Variants in NR5A1 observed in about 807,000 individuals in gnomAD.
NR5A1 encodes nuclear receptor subfamily 5 group A member 1, also known as steroidogenic factor 1.
A neutral mutation model predicts 42.7 loss-of-function variants in NR5A1; 6 were observed. The ratio of observed to expected loss-of-function variants is 0.14; its 90% CI spans 0.08 to 0.28. The LOEUF is 0.28. Ranked by LOEUF, NR5A1 falls within the 10% of genes least tolerant of loss-of-function variation. NR5A1 has a pLI of 1.00. For missense variants in NR5A1, 442 were observed against 626.4 expected (o/e 0.71, Z 3.14); for synonymous variants, 274 against 277.5 (o/e 0.99, Z 0.12).
chr9:124,505,288 G>A (rs1018099428), intron 1 of NR5A1, among the ~76,000 whole-genome samples: 2 of 152,210 alleles, frequency 1.3e-5, no homozygotes, highest in East Asian at 3.9e-4. Context: ...AACCCAGCTG[G>A]GTCGTGGCGA....
In NR5A1 at chr9:124,500,781, G is replaced by T. The variant is rs1293466415; in HGVS notation, c.245-66C>A. On this transcript the variant is annotated intron_variant, in intron 3 of 6. Transcript: ENST00000373588. This position sits in a 1 kb window ranked among gnomAD's most constrained non-coding sequence, Gnocchi z 6.9. Reference sequence around the variant, plus strand: ...CCCCCTTCCATGCTGCCCCACCACAGATCCTTTCCAAACAAATCTGACCGC... The same window carrying T: ...CCCCCTTCCATGCTGCCCCACCACATATCCTTTCCAAACAAATCTGACCGC... 1 of 1,609,696 alleles carries T rather than the reference G, an allele frequency of 6.2e-7. No homozygotes were observed. The highest frequency in any genetic ancestry group is 8.5e-7 in the Non-Finnish European group (1 of 1,178,364).
intron 6 of NR5A1, among the ~76,000 whole-genome samples, chr9:124,487,096 GTGGAGGTCGGAGGGAGC>G (rs972800031): frequency 4.6e-5 from 7 of 152,264 alleles, no homozygotes; most frequent in Admixed American, 3.9e-4. Context: ...ACTCGCGGAG[GTGGAGGTCGGAGGGAGC>G]TGGGAGATGG....
chr9:124,491,036 C>CCCCCCCACGG, intron 6 of NR5A1, 45 bp downstream of exon 6: 1 of 1,401,600 alleles, frequency 7.1e-7, no homozygotes, highest in Non-Finnish European at 9.6e-7. Flanking sequence ...CCCACCCACC[C>CCCCCCCACGG]GCCTCTGGCT....
chr9:124,506,090 G>C (rs1240914126), intron 1 of NR5A1, among the ~76,000 whole-genome samples: 1 of 152,188 alleles, frequency 6.6e-6, no homozygotes, highest in Non-Finnish European at 1.5e-5. Context: ...TGGAGGCCTC[G>C]GGCTTCGGTT....
chr9:124,490,590 A>T (rs778520602), intron 6 of NR5A1, among the ~76,000 whole-genome samples: 32 of 152,042 alleles, frequency 2.1e-4, no homozygotes, highest in Non-Finnish European at 7.3e-5. Flanking sequence ...CTTACTAATC[A>T]TATTATGCTC....
At chr9:124,491,039 C>CCCCCCGGGGG in intron 6 of NR5A1, 42 bp downstream of exon 6, 2 of 1,496,952 alleles carry the variant, frequency 1.3e-6, no homozygotes, top group Non-Finnish European at 1.8e-6. Context: ...ACCCACCCGC[C>CCCCCCGGGGG]TCTGGCTGTC....
At chr9:124,495,843 T>C (rs1832383363) in intron 4 of NR5A1, among the ~76,000 whole-genome samples, 2 of 152,164 alleles carry the variant, frequency 1.3e-5, no homozygotes, top group Non-Finnish European at 2.9e-5. Flanking sequence ...GTGAGGCTGA[T>C]AGGGGTGCCA....
At chr9:124,484,206 A>G (rs1334259582) in intron 6 of NR5A1, among the ~76,000 whole-genome samples, 2 of 152,102 alleles carry the variant, frequency 1.3e-5, no homozygotes, top group African/African-American at 2.4e-5. Flanking sequence ...CATGTTTTTC[A>G]ACTTCTACAC....
Position 124,498,514 on chromosome 9 carries a change from C to T in NR5A1, c.870+1576G>A, listed in dbSNP as rs986876969. ...AGGCAGCCAGAGGAAGTGCCCTGCC[C>T]CTCAATCCAGGGTTCTGGAAGGCCG... On this transcript the variant is annotated intron_variant, in intron 4 of 6. Transcript: ENST00000373588. The surrounding 1 kb of genome is among the most constrained non-coding windows in gnomAD (Gnocchi z 4.6). 6.6e-6 allele frequency among the ~76,000 whole-genome samples: 1 copy of T among 152,190 alleles called. No individual in the cohort carries two copies. The highest frequency in any genetic ancestry group is 2.4e-5 in the African/African-American group (1 of 41,444).
At position 124,482,778 on chromosome 9, in the gene NR5A1, G is replaced by A; in HGVS notation, c.1366C>T (p.Leu456=). 1 of 1,578,026 alleles carries A rather than the reference G, an allele frequency of 6.3e-7. No individual in the cohort carries two copies. The highest frequency in any genetic ancestry group is 8.6e-7 in the Non-Finnish European group (1 of 1,164,400). The change falls in exon 7 of 7, where the codon CTG becomes TTG. Residue 456 remains leucine (L), a synonymous_variant. Transcript: ENST00000373588. ...MPRNNLLIEM[L]QAKQT is the part of the protein sequence containing the mutation. ...CAGGCTCAAGTCTGCTTGGCTTGCA[G>A]CATTTCGATGAGCAGGTTGTTGCGG...
intron 6 of NR5A1, among the ~76,000 whole-genome samples, chr9:124,484,389 C>T (rs73594038): frequency 0.022 from 3,274 of 152,108 alleles, 127 homozygotes; most frequent in African/African-American, 0.074. Context: ...TGGGACTGAG[C>T]GGAAAACAAA....
chr9:124,492,323 C>T (rs1832328295), intron 5 of NR5A1, among the ~76,000 whole-genome samples: 1 of 144,710 alleles, frequency 6.9e-6, no homozygotes, highest in Non-Finnish European at 1.5e-5. Context: ...CCCACCCTGG[C>T]CCCCCACCTC....
In NR5A1 at chr9:124,503,408, C is replaced by T. The variant is rs747233167; in HGVS notation, c.-13G>A. ...ACGAATAGTCCATGCCCGCGGCGTCCGCCTGCGGAGGGACAGCGGGTCAGG... is the reference window on the plus strand; with the variant it reads ...ACGAATAGTCCATGCCCGCGGCGTCTGCCTGCGGAGGGACAGCGGGTCAGG... On this transcript the variant is annotated splice_region_variant and 5_prime_UTR_variant, in exon 2 of 7. Transcript: ENST00000373588. The surrounding 1 kb of genome is among the most constrained non-coding windows in gnomAD (Gnocchi z 9.6). 1 of 1,600,930 alleles carries T rather than the reference C, an allele frequency of 6.2e-7. No individual in the cohort carries two copies. The highest frequency in any genetic ancestry group is 8.5e-7 in the Non-Finnish European group (1 of 1,174,868).
intron 6 of NR5A1, among the ~76,000 whole-genome samples, chr9:124,485,987 G>A (rs1832201536): frequency 6.7e-6 from 1 of 149,788 alleles, no homozygotes; most frequent in African/African-American, 2.4e-5. Flanking sequence ...GAGTGGGGAG[G>A]ACCGGCCAGG....
intron 4 of NR5A1, among the ~76,000 whole-genome samples, chr9:124,495,304 C>T (rs1224853054): frequency 2.0e-5 from 3 of 152,206 alleles, no homozygotes; most frequent in South Asian, 2.1e-4. Context: ...CATGGAGCCG[C>T]GGTTTCCAGG....
At position 124,500,243 on chromosome 9, in the gene NR5A1, C is replaced by G. The variant is rs1391842898; in HGVS notation, c.717G>C (p.Gln239His). 1 of 1,604,144 alleles carries G rather than the reference C, an allele frequency of 6.2e-7. No homozygotes were observed. The highest frequency in any genetic ancestry group is 8.5e-7 in the Non-Finnish European group (1 of 1,175,880). The change falls in exon 4 of 7, where the codon CAG becomes CAC. Residue 239 changes from glutamine to histidine, a missense_variant. By Grantham distance (24) the Gln-to-His change is conservative. Coordinates refer to ENST00000373588, the MANE Select transcript of NR5A1 (RefSeq NM_004959.5). The surrounding 1 kb of genome is among the most constrained non-coding windows in gnomAD (Gnocchi z 6.9). The stretch of plus-strand genomic sequence containing the variant: ...GGCAGCCCAAGATGCGGGCCCGCAC[C>G]TGGTCCTCATCCGGCTCCAGCTGCA... ...QLLQLEPDED[Q>H]VRARILGCLQ...
At chr9:124,484,462 G>A (rs1832177665) in intron 6 of NR5A1, among the ~76,000 whole-genome samples, 1 of 152,192 alleles carries the variant, frequency 6.6e-6, no homozygotes, top group Non-Finnish European at 1.5e-5. Context: ...AACTAGAAAT[G>A]CTTGTTGGCC....
chr9:124,492,137 A>T (rs1379428986), intron 5 of NR5A1, among the ~76,000 whole-genome samples: 1 of 150,730 alleles, frequency 6.6e-6, no homozygotes, highest in Non-Finnish European at 1.5e-5. Flanking sequence ...TGTCTTCCCC[A>T]CCCCACAGCA....
intron 6 of NR5A1, among the ~76,000 whole-genome samples, chr9:124,487,092 G>C (rs111553969): frequency 1.1e-4 from 17 of 152,362 alleles, no homozygotes; most frequent in African/African-American, 3.6e-4. Context: ...CGGCACTCGC[G>C]GAGGTGGAGG....
Sources: gnomAD v4.1 joint callset for allele counts (sites outside exome capture counted in the v4.1 genomes callset) on GRCh38, gnomAD v4.1.1 for gene constraint, Gnocchi (gnomAD v3.1) non-coding constraint, MANE v1.5 for transcripts, NCBI Gene and HGNC (gene_info 2026-07-23, HGNC 2026-07-21) for gene names.